The following PHF14 variants were observed in gnomAD, a reference collection of about 807,000 sequenced individuals.
PHF14 encodes the protein PHD finger protein 14.
Under a neutral mutation model 117.9 loss-of-function variants are expected in PHF14, and 55 were observed. The observed-to-expected ratio is 0.47, with a 90% confidence interval of 0.38 to 0.58. The LOEUF (loss-of-function observed/expected upper bound fraction) is 0.58. Among genes scored for constraint, PHF14 ranks in the 20% least tolerant of loss-of-function variants. PHF14 has a pLI of 0.00. For missense variants in PHF14, 978 were observed against 1,122.2 expected (o/e 0.87, Z 1.84); for synonymous variants, 409 against 368.6 (o/e 1.11, Z -1.26).
intron 16 of PHF14, among the ~76,000 whole-genome samples, chr7:11,092,796 A>G (rs1274936245): frequency 6.6e-6 from 1 of 152,006 alleles, no homozygotes; most frequent in Non-Finnish European, 1.5e-5. Flanking sequence ...TAGGGAGGAG[A>G]TACAGTTGTC....
intron 16 of PHF14, among the ~76,000 whole-genome samples, chr7:11,085,989 A>C (rs1327334863): frequency 6.6e-6 from 1 of 152,196 alleles, no homozygotes; most frequent in Non-Finnish European, 1.5e-5. Context: ...GTCTAGTTAC[A>C]TAATCTTTGT....
At chr7:10,984,252 A>G (rs960323686) in intron 3 of PHF14, among the ~76,000 whole-genome samples, 1 of 152,160 alleles carries the variant, frequency 6.6e-6, no homozygotes, top group African/African-American at 2.4e-5. Context: ...TGATTTCGTT[A>G]CCAAAATAAT....
intron 17 of PHF14, among the ~76,000 whole-genome samples, chr7:11,117,976 A>G (rs1787647335): frequency 6.6e-6 from 1 of 151,840 alleles, no homozygotes; most frequent in Non-Finnish European, 1.5e-5. Context: ...GCCGACAGAG[A>G]CATCATTTTT....
At chr7:11,000,535 T>G (rs1022966582) in intron 4 of PHF14, among the ~76,000 whole-genome samples, 1 of 151,944 alleles carries the variant, frequency 6.6e-6, no homozygotes, top group Non-Finnish European at 1.5e-5. Flanking sequence ...GATGGGGTTT[T>G]GCCATGTTGG....
intron 3 of PHF14, among the ~76,000 whole-genome samples, chr7:10,986,148 A>ATT (rs111598592): frequency 1.3e-4 from 17 of 129,012 alleles, no homozygotes; most frequent in Admixed American, 3.1e-4. Context: ...TTTATTTTTG[A>ATT]TTTTTTTTTT....
intron 16 of PHF14, among the ~76,000 whole-genome samples, chr7:11,075,606 A>G (rs1458711733): frequency 2.3e-5 from 3 of 128,074 alleles, no homozygotes; most frequent in East Asian, 4.5e-4. Flanking sequence ...TATGCCATTC[A>G]TGAGGGTTCT....
At chr7:11,079,306 A>T (rs1414828951) in intron 16 of PHF14, among the ~76,000 whole-genome samples, 2 of 152,150 alleles carry the variant, frequency 1.3e-5, no homozygotes, top group Admixed American at 1.3e-4. Context: ...ATATAAGCTG[A>T]GCGGTTATTC....
intron 13 of PHF14, among the ~76,000 whole-genome samples, chr7:11,047,659 G>A (rs571982081): frequency 2.7e-5 from 4 of 150,654 alleles, no homozygotes; most frequent in African/African-American, 9.8e-5. Flanking sequence ...TGGTGATGGG[G>A]ATTCGTAATC....
intron 17 of PHF14, among the ~76,000 whole-genome samples, chr7:11,147,138 A>G (rs1309415346): frequency 6.6e-6 from 1 of 152,152 alleles, no homozygotes; most frequent in Non-Finnish European, 1.5e-5. Flanking sequence ...ATAAGCCGCC[A>G]CACCCAGCCT....
intron 7 of PHF14, among the ~76,000 whole-genome samples, chr7:11,035,033 T>A (rs886605241): frequency 8.6e-5 from 13 of 151,446 alleles, no homozygotes; most frequent in Non-Finnish European, 1.5e-4. Context: ...AGTGACTTTT[T>A]AAAAAAATAC....
intron 7 of PHF14, among the ~76,000 whole-genome samples, chr7:11,032,986 A>G (rs1784172225): frequency 6.6e-6 from 1 of 152,210 alleles, no homozygotes; most frequent in African/African-American, 2.4e-5. Flanking sequence ...TATCCATAAA[A>G]TTGATATTAA....
Position 11,017,956 on chromosome 7 carries a change from G to A in PHF14, c.1205+4050G>A, listed in dbSNP as rs117992770. 2.7e-3 allele frequency among the ~76,000 whole-genome samples: 416 copies of A among 152,162 alleles called. 3 individuals are homozygous for A. The highest frequency in any genetic ancestry group is 0.015 in the South Asian group (72 of 4,820). ...ATTTTTGTATATGGCAAGAGATGGC[G>A]TCTAGTTTCCTTCTTCTGCATATGG... On this transcript the variant is annotated intron_variant, in intron 5 of 17. Transcript: ENST00000634607.
intron 17 of PHF14, among the ~76,000 whole-genome samples, chr7:11,122,635 A>T (rs1408860452): frequency 6.6e-6 from 1 of 151,598 alleles, no homozygotes; most frequent in Admixed American, 6.6e-5. Context: ...GTTTCCCTTC[A>T]TGTTACTTTA....
chr7:10,993,354 C>G (rs1042602643), intron 4 of PHF14, among the ~76,000 whole-genome samples: 3 of 152,160 alleles, frequency 2.0e-5, no homozygotes, highest in African/African-American at 7.2e-5. Flanking sequence ...ACTTGTGGGA[C>G]TTTGCATGAT....
chr7:11,095,050 G>A (rs1392905144), intron 16 of PHF14, among the ~76,000 whole-genome samples: 3 of 152,112 alleles, frequency 2.0e-5, no homozygotes, highest in Admixed American at 1.3e-4. Context: ...GGGAACACAA[G>A]TCAACTGCCA....
intron 17 of PHF14, among the ~76,000 whole-genome samples, chr7:11,159,828 A>C (rs1562490346): frequency 6.6e-6 from 1 of 152,250 alleles, no homozygotes; most frequent in Non-Finnish European, 1.5e-5. Context: ...TTCTAACAAT[A>C]GATGAAAAGA....
chr7:10,986,036 A>G (rs1383974116), intron 3 of PHF14, among the ~76,000 whole-genome samples: 1 of 151,938 alleles, frequency 6.6e-6, no homozygotes, highest in South Asian at 2.1e-4. Flanking sequence ...TGGTGTGATC[A>G]TGGCTAACTG....
At chr7:10,981,190 TAGTTG>T (rs1399522405) in intron 2 of PHF14, among the ~76,000 whole-genome samples, 3 of 152,310 alleles carry the variant, frequency 2.0e-5, no homozygotes, top group African/African-American at 7.2e-5. Flanking sequence ...AGGTTAAGCC[TAGTTG>T]AGTTAATAGA....
At chr7:11,074,160 C>G (rs577896922) in intron 16 of PHF14, among the ~76,000 whole-genome samples, 3 of 152,050 alleles carry the variant, frequency 2.0e-5, no homozygotes, top group African/African-American at 7.2e-5. Context: ...AATGGTTGCT[C>G]CACAACCACC....
Sources: allele counts gnomAD v4.1 joint callset (sites outside exome capture counted in the v4.1 genomes callset), GRCh38; gene constraint gnomAD v4.1.1; transcripts MANE v1.5; gene names NCBI Gene and HGNC (gene_info 2026-07-23, HGNC 2026-07-21).